IRAK1: variants seen among roughly 807,000 people sequenced by gnomAD.
The protein encoded by IRAK1 is interleukin 1 receptor associated kinase 1.
In IRAK1, 9 loss-of-function variants were observed where a neutral mutation model predicts 49.8. That is an observed-to-expected ratio of 0.18 (90% confidence interval 0.11 to 0.32). The LOEUF (loss-of-function observed/expected upper bound fraction) is 0.32, where lower values mean the gene tolerates loss of function less well. IRAK1 is among the 10% of genes least tolerant of loss of function. IRAK1 has a pLI of 1.00. For missense variants in IRAK1, 418 were observed against 600.5 expected (o/e 0.70, Z 3.18); for synonymous variants, 282 against 270.8 (o/e 1.04, Z -0.41).
intron 10 of IRAK1, among the ~76,000 whole-genome samples, chrX:154,015,530 G>C (rs1476806855): frequency 8.9e-6 from 1 of 112,808 alleles, no homozygotes; most frequent in Non-Finnish European, 1.9e-5. Flanking sequence ...GCAGGAATTT[G>C]CTGGAAGGCC....
intron 13 of IRAK1, among the ~76,000 whole-genome samples, chrX:154,012,128 C>T (rs1166805066): frequency 1.8e-5 from 2 of 112,831 alleles, no homozygotes; most frequent in African/African-American, 6.4e-5. Flanking sequence ...TCACTGTAGC[C>T]TCCACCTCCT....
rs2065696285 is a variant in IRAK1 at position 154,011,288 on chromosome X, T to C, written c.*571A>G. On this transcript the variant is annotated 3_prime_UTR_variant, in exon 14 of 14. Coordinates refer to ENST00000369980, the MANE Select transcript of IRAK1 (RefSeq NM_001569.4). ...ATTTTTTGGCAGAGACAGGGTCTCATCATGTTGCCCTGGCTGGTCTTGACC... is the reference window on the plus strand; with the variant it reads ...ATTTTTTGGCAGAGACAGGGTCTCACCATGTTGCCCTGGCTGGTCTTGACC... 7.7e-6 allele frequency: 2 copies of C among 259,305 alleles called. No homozygotes were observed. The highest frequency in any genetic ancestry group is 7.4e-5 in the South Asian group (2 of 27,061). The allele number at this position is 259,305 out of a possible 1,213,427, so 21.4% of individuals were successfully genotyped here.
chrX:154,011,088 A>G lies in IRAK1; in HGVS notation c.*771T>C, dbSNP rs782229055. Reference sequence around the variant, plus strand: ...CTTACAGCCATACTTCACTTTTCCCAGGGTTTTTCTTTTTGAAACAGGGTC... The same window carrying G: ...CTTACAGCCATACTTCACTTTTCCCGGGGTTTTTCTTTTTGAAACAGGGTC... On this transcript the variant is annotated 3_prime_UTR_variant, in exon 14 of 14. Transcript: ENST00000369980. 7 of 340,295 alleles carry G rather than the reference A, an allele frequency of 2.1e-5. No individual in the cohort carries two copies. The highest frequency in any genetic ancestry group is 3.5e-5 in the Non-Finnish European group (6 of 169,785). The allele number at this position is 340,295 out of a possible 1,213,427, so 28.0% of individuals were successfully genotyped here.
At position 154,012,572 on chromosome X, in the gene IRAK1, C is replaced by T. The variant is rs370244044; in HGVS notation, c.2037G>A (p.Gly679=). The part of the protein sequence containing the change: ...MVQKLALYED[G]ALDSLQLLSS... Reference sequence around the variant, plus strand: ...ACAGCAGCTGCAGGCTGTCCAGGGCCCCATCCTCGTACAGGGCCAGCTTCT... The same window carrying T: ...ACAGCAGCTGCAGGCTGTCCAGGGCTCCATCCTCGTACAGGGCCAGCTTCT... Residue 679 remains glycine, a synonymous_variant, in exon 13 of 14, where the codon GGG becomes GGA. Coordinates refer to ENST00000369980, the MANE Select transcript of IRAK1 (RefSeq NM_001569.4). 18 of 1,210,469 alleles carry T rather than the reference C, an allele frequency of 1.5e-5. No individual in the cohort carries two copies. In the African/African-American group the frequency reaches 2.6e-4, roughly 18 times the overall value.
rs782281305 is a variant in IRAK1 at position 154,012,651 on chromosome X, G to A, written c.1958C>T (p.Ser653Leu). The A allele has an allele frequency of 6.6e-6, 8 of 1,211,346 alleles. No homozygotes were observed. The East Asian group carries it at 1.2e-4, about 18-fold the overall frequency. The change falls in exon 13 of 14, where the codon TCG becomes TTG. Residue 653 changes from serine (S) to leucine (L), a missense_variant. Physicochemically the swap from Ser to Leu is moderately radical, Grantham distance 145 (BLOSUM62 -2). Transcript: ENST00000369980. ...GATAATCTGCGGTGGCTCTGACGAC[G>A]ATGATGCAGAGCTGCCAAGGGCCAG... ...EGLALGSSAS[S>L]SSEPPQIIIN...
In IRAK1 at chrX:154,012,469, C is replaced by T. The variant is rs1251674819; in HGVS notation, c.2080+60G>A. The T allele has an allele frequency of 6.1e-6, 7 of 1,145,648 alleles. No individual in the cohort carries two copies. The African/African-American group carries it at 8.9e-5, about 15-fold the overall frequency. The allele number at this position is 1,145,648 out of a possible 1,213,427, so 94.4% of individuals were successfully genotyped here. ...CAGCGCAGTCGGGACAGACACTCTG[C>T]TCTTTGGGGCTGACACGGATGCGCC... On this transcript the variant is annotated intron_variant, in intron 13 of 13. Coordinates refer to ENST00000369980, the MANE Select transcript of IRAK1 (RefSeq NM_001569.4).
Position 154,018,302 on chromosome X carries a change from C to T in IRAK1, c.783G>A (p.Glu261=), listed in dbSNP as rs782083831. ...AVKQSFLTEV[E]QLSRFRHPNI... ...CCCTCTGGCCTCACCTGGACAGCTG[C>T]TCCACCTCGGTCAGGAAGCTCTGCT... Residue 261 remains glutamate (E), a synonymous_variant, in exon 6 of 14, where the codon GAG becomes GAA. Coordinates refer to ENST00000369980, the MANE Select transcript of IRAK1 (RefSeq NM_001569.4). 3.9e-5 allele frequency: 45 copies of T among 1,163,385 alleles called. No individual in the cohort carries two copies. In the East Asian group the frequency reaches 1.4e-3, roughly 37 times the overall value.
chrX:154,011,911 C>T lies in IRAK1; in HGVS notation c.2087G>A (p.Gly696Asp), dbSNP rs375975243. The T allele has an allele frequency of 2.8e-5, 34 of 1,208,157 alleles. No homozygotes were observed. Among genetic ancestry groups the T allele is most frequent in the Non-Finnish European group, 1.0e-5 (9 of 893,758 alleles). The change falls in exon 14 of 14, where the codon GGC becomes GAC. Residue 696 changes from glycine (G) to aspartate (D), a missense_variant. Physicochemically the swap from Gly to Asp is moderately conservative, Grantham distance 94. Coordinates refer to ENST00000369980, the MANE Select transcript of IRAK1 (RefSeq NM_001569.4). ...LLSSSSLPGLGLEQDRQGPEE... is the reference protein window; with the variant it reads ...LLSSSSLPGLDLEQDRQGPEE... Reference sequence around the variant, plus strand: ...GGGCCCCTGCCTGTCCTGTTCCAGGCCCAAGCCTACAGAAGGAAGAGGAAA... The same window carrying T: ...GGGCCCCTGCCTGTCCTGTTCCAGGTCCAAGCCTACAGAAGGAAGAGGAAA...
In IRAK1 at chrX:154,019,057, T is replaced by C; in HGVS notation, c.458A>G (p.His153Arg). 8.3e-7 allele frequency: 1 copy of C among 1,210,237 alleles called. No individual in the cohort carries two copies. Among genetic ancestry groups the C allele is most frequent in the Non-Finnish European group, 1.1e-6 (1 of 894,218 alleles). Residue 153 changes from histidine (H) to arginine (R), a missense_variant, in exon 4 of 14, where the codon CAT (histidine) becomes CGT (arginine). Physicochemically the swap from His to Arg is conservative, Grantham distance 29. Coordinates refer to ENST00000369980, the MANE Select transcript of IRAK1 (RefSeq NM_001569.4). ...GACCAGGCCGAGCTCAGGCCCTGAA[T>C]GGGTCTGGGAGCCTGGAAAAGCTTC... The part of the protein sequence containing the change: ...LSPAFPGSQT[H>R]SGPELGLVPS...
At position 154,019,312 on chromosome X, in the gene IRAK1, C is replaced by G; in HGVS notation, c.321G>C (p.Pro107=). 1 of 1,170,057 alleles carries G rather than the reference C, an allele frequency of 8.5e-7. No homozygotes were observed. The highest frequency in any genetic ancestry group is 1.1e-6 in the Non-Finnish European group (1 of 873,512). ...GGGCAGTGGTGCCTGGGGACGGAAG[C>G]GGGGCGGGAGGGTGCCCTGGGACGC... The part of the protein sequence containing the change: ...DIITAWHPPA[P]LPSPGTTAPR... The change falls in exon 3 of 14, where the codon CCG becomes CCC. Residue 107 remains proline (P), a synonymous_variant. Coordinates refer to ENST00000369980, the MANE Select transcript of IRAK1 (RefSeq NM_001569.4).
At chrX:154,015,599 G>A (rs1029086710) in intron 10 of IRAK1, among the ~76,000 whole-genome samples, 11 of 112,715 alleles carry the variant, frequency 9.8e-5, no homozygotes, top group African/African-American at 3.2e-4. Context: ...CACAGTCCAC[G>A]GTGAGGCAGA....
At chrX:154,012,413 G>A in intron 13 of IRAK1, 116 bp downstream of exon 13, 3 of 879,775 alleles carry the variant, frequency 3.4e-6, no homozygotes, top group Non-Finnish European at 4.7e-6. Flanking sequence ...GGTCGCCAGA[G>A]CCAGTGGCCT....
chrX:154,018,156 G>A, intron 6 of IRAK1, 36 bp from the exon 7 acceptor site: 3 of 1,131,852 alleles, frequency 2.7e-6, no homozygotes, highest in Non-Finnish European at 3.6e-6. Flanking sequence ...CATCAGGCCA[G>A]ACTGGGTGGG....
intron 10 of IRAK1, among the ~76,000 whole-genome samples, chrX:154,014,816 A>G (rs11465839): frequency 0.021 from 2,348 of 111,938 alleles, 30 homozygotes; most frequent in Middle Eastern, 0.041. Context: ...GGGATACAGG[A>G]ACAAACAGAA....
In IRAK1 at chrX:154,011,118, T is replaced by C. The variant is rs2065694813; in HGVS notation, c.*741A>G. The C allele has an allele frequency of 2.9e-6, 1 of 340,318 alleles. No individual in the cohort carries two copies. Among genetic ancestry groups the C allele is most frequent in the Non-Finnish European group, 5.9e-6 (1 of 169,987 alleles). The allele number at this position is 340,318 out of a possible 1,213,427, so 28.0% of individuals were successfully genotyped here. On this transcript the variant is annotated 3_prime_UTR_variant, in exon 14 of 14. Transcript: ENST00000369980. The stretch of plus-strand genomic sequence containing the variant: ...TTTTCTTTTTGAAACAGGGTCTTGC[T>C]CTGTCACCCAGGCTGGAGTGCAGTC...
chrX:154,018,244 G>A (rs201361357), intron 6 of IRAK1, 47 bp downstream of exon 6: 59 of 1,078,048 alleles, frequency 5.5e-5, no homozygotes, highest in African/African-American at 7.4e-5. Context: ...TGTGGTGTGC[G>A]GTCTGAAGCC....
Position 154,010,958 on chromosome X carries a change from C to A in IRAK1, c.*901G>T, listed in dbSNP as rs1458481576. Reference sequence around the variant, plus strand: ...CACCACATTAGGCCAGCTCGCAGGTCCCCAGTAAAGCCTGAAGACACTGGC... The same window carrying A: ...CACCACATTAGGCCAGCTCGCAGGTACCCAGTAAAGCCTGAAGACACTGGC... On this transcript the variant is annotated 3_prime_UTR_variant, in exon 14 of 14. Transcript: ENST00000369980. 1 of 340,966 alleles carries A rather than the reference C, an allele frequency of 2.9e-6. No homozygotes were observed. 28.1% of individuals were successfully genotyped at this position (340,966 alleles called of 1,213,427 possible). A position where few individuals can be genotyped will look rare whatever the true frequency, so the allele number is the denominator to read the frequency against.
In IRAK1 at chrX:154,012,659, A is replaced by G; in HGVS notation, c.1950T>C (p.Ser650=). 8.3e-7 allele frequency: 1 copy of G among 1,211,265 alleles called. No homozygotes were observed. Among genetic ancestry groups the G allele is most frequent in the Non-Finnish European group, 1.1e-6 (1 of 894,987 alleles). Residue 650 remains serine, a synonymous_variant, in exon 13 of 14, where the codon TCT becomes TCC. Coordinates refer to ENST00000369980, the MANE Select transcript of IRAK1 (RefSeq NM_001569.4). ...TAVEGLALGS[S]ASSSSEPPQI... is the part of the protein sequence containing the mutation. ...GCGGTGGCTCTGACGACGATGATGC[A>G]GAGCTGCCAAGGGCCAGTCCTGGGG...
chrX:154,016,566 C>T lies in IRAK1; in HGVS notation c.1107G>A (p.Gly369=). ...CCATGCTGCTCTGGCTGGGGCTGGA[C>T]CCGGCAAAGCGGCTGAACCGGGCCA... is the stretch of plus-strand genomic sequence containing the variant. ...FGLARFSRFA[G]SSPSQSSMVA... is the part of the protein sequence containing the mutation. The change falls in exon 9 of 14, where the codon GGG becomes GGA. Residue 369 remains glycine (G), a synonymous_variant. Coordinates refer to ENST00000369980, the MANE Select transcript of IRAK1 (RefSeq NM_001569.4). 1 of 1,212,048 alleles carries T rather than the reference C, an allele frequency of 8.3e-7. No individual in the cohort carries two copies.
Sources: gnomAD v4.1 joint callset for allele counts (sites outside exome capture counted in the v4.1 genomes callset) on GRCh38, gnomAD v4.1.1 for gene constraint, MANE v1.5 for transcripts, NCBI Gene and HGNC (gene_info 2026-07-23, HGNC 2026-07-21) for gene names.